C4orf36: variants seen among roughly 807,000 people sequenced by gnomAD.
C4orf36 encodes uncharacterized protein C4orf36.
C4orf36 carries 11 observed loss-of-function variants against 12.2 expected under a neutral mutation model. That is an observed-to-expected ratio of 0.90 (90% CI 0.57 to 1.49). The LOEUF is 1.49. Ranked by LOEUF, C4orf36 falls within the 40% of genes most tolerant of loss-of-function variation. The pLI is 0.00. For missense variants in C4orf36, 137 were observed against 133.9 expected, an observed-to-expected ratio of 1.02 and a Z score of -0.11; for synonymous variants, 54 against 51.3, an observed-to-expected ratio of 1.05 and a Z score of -0.22.
chr4:86,914,852 T>C, the C4orf36 span: 215,803 of 426,748 alleles, frequency 0.51, 57,198 homozygotes, highest in Middle Eastern at 0.6. Flanking sequence ...AAAGCTGGGG[T>C]CGGGGGAGTC....
At chr4:86,894,685 T>C (rs905409549), upstream of C4orf36, among the ~76,000 whole-genome samples, 9 of 152,224 alleles carry the variant, frequency 5.9e-5, no homozygotes, top group Admixed American at 5.9e-4. Flanking sequence ...ATGGTGGACA[T>C]TACTGTGTAT....
the C4orf36 span, among the ~76,000 whole-genome samples, chr4:86,898,722 T>C: frequency 2.6e-5 from 4 of 152,178 alleles, no homozygotes; most frequent in Admixed American, 2.0e-4. Flanking sequence ...GGCGAGAGAA[T>C]TGTTTGAGCC....
chr4:86,898,639 G>C, the C4orf36 span, among the ~76,000 whole-genome samples: 1 of 151,990 alleles, frequency 6.6e-6, no homozygotes. Flanking sequence ...TATTATTTTT[G>C]AGTCACATTT....
the C4orf36 span, among the ~76,000 whole-genome samples, chr4:86,922,107 C>G: frequency 1.3e-5 from 2 of 152,038 alleles, no homozygotes; most frequent in African/African-American, 4.8e-5. Flanking sequence ...AAAAAACACA[C>G]ATAAATAGGC....
the C4orf36 span, among the ~76,000 whole-genome samples, chr4:86,899,016 AG>A: frequency 6.6e-6 from 1 of 151,990 alleles, no homozygotes; most frequent in Admixed American, 6.6e-5. Context: ...ACTTGAGCCC[AG>A]GAGGTCAAGG....
upstream of C4orf36, among the ~76,000 whole-genome samples, chr4:86,893,060 A>G (rs1747491529): frequency 6.6e-6 from 1 of 152,220 alleles, no homozygotes; most frequent in South Asian, 2.1e-4. Flanking sequence ...ATAATGCTCT[A>G]TGTCTTAGAG....
chr4:86,891,953 C>T (rs540186481), intron 1 of C4orf36: 5 of 992,390 alleles, frequency 5.0e-6, no homozygotes, highest in Non-Finnish European at 6.0e-6. Flanking sequence ...CCCGCCCCGG[C>T]CCGGGCACTT....
the C4orf36 span, among the ~76,000 whole-genome samples, chr4:86,917,328 G>GTTGA: frequency 1.4e-5 from 1 of 71,436 alleles, no homozygotes; most frequent in African/African-American, 3.6e-5. Context: ...GAGAGAGAGA[G>GTTGA]ATGAAGGAAG....
chr4:86,918,582 C>A, the C4orf36 span, among the ~76,000 whole-genome samples: 3 of 152,170 alleles, frequency 2.0e-5, no homozygotes, highest in Non-Finnish European at 4.4e-5. Context: ...TAACACCTGA[C>A]CATCTTGGGC....
chr4:86,885,597 G>A (rs1360210799), intron 4 of C4orf36, among the ~76,000 whole-genome samples: 1 of 152,102 alleles, frequency 6.6e-6, no homozygotes, highest in Non-Finnish European at 1.5e-5. Flanking sequence ...GGAGATTTTG[G>A]GCTGAGACGG....
the C4orf36 span, among the ~76,000 whole-genome samples, chr4:86,928,080 T>C: frequency 1.3e-5 from 2 of 152,234 alleles, no homozygotes; most frequent in African/African-American, 4.8e-5. Context: ...GTTAGGCAGT[T>C]GCTCAATCTT....
chr4:86,924,083 T>C, the C4orf36 span, among the ~76,000 whole-genome samples: 1 of 152,154 alleles, frequency 6.6e-6, no homozygotes, highest in Non-Finnish European at 1.5e-5. Context: ...CTCTGTTGCC[T>C]AGGTTGGAGT....
the C4orf36 span, among the ~76,000 whole-genome samples, chr4:86,917,366 TGGAAGGAA>T: frequency 1.0e-5 from 1 of 99,354 alleles, no homozygotes; most frequent in Non-Finnish European, 2.0e-5. Flanking sequence ...AAGGAAAGGA[TGGAAGGAA>T]GGAAGGAAAG....
At chr4:86,894,805 C>A (rs1747554638), upstream of C4orf36, among the ~76,000 whole-genome samples, 1 of 152,108 alleles carries the variant, frequency 6.6e-6, no homozygotes, top group Admixed American at 6.5e-5. Context: ...ACTCAAGCTG[C>A]CTTATGGAGA....
chr4:86,931,359 A>G, the C4orf36 span, among the ~76,000 whole-genome samples: 20 of 151,450 alleles, frequency 1.3e-4, no homozygotes, highest in Non-Finnish European at 2.5e-4. Flanking sequence ...CCTCATCTAC[A>G]CCGCTTTCCC....
At position 86,876,406 on chromosome 4, in the gene C4orf36, C is replaced by G. The variant is rs551644666; in HGVS notation, c.*40G>C. 7.4e-6 allele frequency: 12 copies of G among 1,611,430 alleles called. No homozygotes were observed. In the Admixed American group the frequency reaches 2.0e-4, roughly 27 times the overall value. The stretch of plus-strand genomic sequence containing the variant: ...GCCCAGGAGAAGCAGTTCCCGCCGG[C>G]GCTGCTGAGTTTCTTCATCTACAAT... On this transcript the variant is annotated 3_prime_UTR_variant, in exon 5 of 5. Transcript: ENST00000295898.
the C4orf36 span, among the ~76,000 whole-genome samples, chr4:86,927,036 G>T: frequency 6.6e-6 from 1 of 152,206 alleles, no homozygotes; most frequent in African/African-American, 2.4e-5. Flanking sequence ...TTGTGACAGA[G>T]ACCATGTGGC....
chr4:86,877,180 G>C (rs1746946119), intron 4 of C4orf36, among the ~76,000 whole-genome samples: 1 of 152,136 alleles, frequency 6.6e-6, no homozygotes, highest in Non-Finnish European at 1.5e-5. Context: ...AATTGAATTG[G>C]TTTTGATTTC....
At chr4:86,887,555 G>A in intron 4 of C4orf36, 1 of 487,818 alleles carries the variant, frequency 2.0e-6, no homozygotes, top group Non-Finnish European at 3.5e-6. Flanking sequence ...TTACAGTGCT[G>A]TCGTTTGTGA....
Sources: gnomAD v4.1 joint callset for allele counts (sites outside exome capture counted in the v4.1 genomes callset) on GRCh38, gnomAD v4.1.1 for gene constraint, MANE v1.5 for transcripts, NCBI Gene and HGNC (gene_info 2026-07-23, HGNC 2026-07-21) for gene names.